The following CHRM3 variants were observed in gnomAD, a reference collection of about 807,000 sequenced individuals.
CHRM3 encodes cholinergic receptor muscarinic 3.
CHRM3 carries 11 observed loss-of-function variants against 41.8 expected under a neutral mutation model. The ratio of observed to expected loss-of-function variants is 0.26; its 90% CI spans 0.17 to 0.44. The LOEUF (loss-of-function observed/expected upper bound fraction) is 0.44. Among genes scored for constraint, CHRM3 ranks in the 20% least tolerant of loss-of-function variants. CHRM3 has a pLI of 1.00. For synonymous variants in CHRM3, 297 were observed against 301.4 expected, an observed-to-expected ratio of 0.99 and a Z score of 0.15; for missense variants, 571 against 745.4, an observed-to-expected ratio of 0.77 and a Z score of 2.72.
At chr1:239,563,341 G>A (rs1256677769) in intron 3 of CHRM3, among the ~76,000 whole-genome samples, 1 of 152,000 alleles carries the variant, frequency 6.6e-6, no homozygotes, top group African/African-American at 2.4e-5. Flanking sequence ...CTCAGAGTGG[G>A]CATAAAATTG....
At chr1:239,486,825 ACTG>A (rs1667212222) in intron 1 of CHRM3, among the ~76,000 whole-genome samples, 6 of 152,110 alleles carry the variant, frequency 3.9e-5, no homozygotes, top group Admixed American at 2.6e-4. Context: ...ACTGCCCTCT[ACTG>A]CTGCGTACGG....
At chr1:239,587,342 T>G (rs1168292574) in intron 3 of CHRM3, among the ~76,000 whole-genome samples, 1 of 152,220 alleles carries the variant, frequency 6.6e-6, no homozygotes, top group Non-Finnish European at 1.5e-5. Flanking sequence ...CAGGCCAGCC[T>G]CTTACCAGTC....
At chr1:239,781,497 G>T (rs1166566764) in intron 5 of CHRM3, among the ~76,000 whole-genome samples, 1 of 152,162 alleles carries the variant, frequency 6.6e-6, no homozygotes, top group Non-Finnish European at 1.5e-5. Flanking sequence ...AAGAGGGTTT[G>T]TTCTTCTATT....
At chr1:239,697,482 C>T (rs1023547220) in intron 5 of CHRM3, among the ~76,000 whole-genome samples, 1 of 152,018 alleles carries the variant, frequency 6.6e-6, no homozygotes, top group African/African-American at 2.4e-5. Flanking sequence ...AATAAAATCA[C>T]CATTTAGCAT....
intron 5 of CHRM3, among the ~76,000 whole-genome samples, chr1:239,762,171 A>ATCTAGC (rs1314099605): frequency 1.3e-5 from 2 of 152,168 alleles, no homozygotes; most frequent in Non-Finnish European, 2.9e-5. Context: ...CAGAGCAGAA[A>ATCTAGC]TCTAGCTTAC....
chr1:239,764,265 G>T (rs191235811), intron 5 of CHRM3, among the ~76,000 whole-genome samples: 1 of 152,056 alleles, frequency 6.6e-6, no homozygotes. Flanking sequence ...TGACAAACAG[G>T]GTCCTTGGAA....
chr1:239,818,092 G>C (rs1271993740), intron 5 of CHRM3, among the ~76,000 whole-genome samples: 7 of 152,166 alleles, frequency 4.6e-5, no homozygotes, highest in African/African-American at 1.7e-4. Context: ...AGTTCTGGAA[G>C]CTGGAAATCC....
At chr1:239,760,715 C>G (rs1488555873) in intron 5 of CHRM3, among the ~76,000 whole-genome samples, 2 of 152,166 alleles carry the variant, frequency 1.3e-5, no homozygotes, top group South Asian at 4.1e-4. Context: ...TGCATTGTCT[C>G]TGACCAGAAT....
chr1:239,569,424 A>T (rs560651655), intron 3 of CHRM3, among the ~76,000 whole-genome samples: 1 of 152,306 alleles, frequency 6.6e-6, no homozygotes, highest in Admixed American at 6.5e-5. Flanking sequence ...AAGAAAACCA[A>T]TCATAAAAAC....
intron 4 of CHRM3, among the ~76,000 whole-genome samples, chr1:239,667,925 TA>T (rs1261526172): frequency 6.6e-6 from 1 of 152,146 alleles, no homozygotes; most frequent in Non-Finnish European, 1.5e-5. Context: ...TCCTACAACT[TA>T]AAAGCAATAT....
intron 5 of CHRM3, among the ~76,000 whole-genome samples, chr1:239,811,761 A>G (rs1671135360): frequency 6.6e-6 from 1 of 152,160 alleles, no homozygotes; most frequent in Non-Finnish European, 1.5e-5. Flanking sequence ...ACCTAATGTT[A>G]AAAGTTTCTC....
intron 4 of CHRM3, among the ~76,000 whole-genome samples, chr1:239,652,785 A>G (rs1207656270): frequency 6.6e-6 from 1 of 151,694 alleles, no homozygotes; most frequent in Admixed American, 6.6e-5. Flanking sequence ...TTCTTCCTTC[A>G]TAGTGTGGGG....
At chr1:239,690,046 C>CAGAG (rs772849076) in intron 5 of CHRM3, among the ~76,000 whole-genome samples, 15 of 93,552 alleles carry the variant, frequency 1.6e-4, no homozygotes, top group African/African-American at 6.9e-4. Flanking sequence ...GAGAGAGACA[C>CAGAG]AGAGAGAGAG....
At chr1:239,842,318 C>G (rs1673878847) in intron 6 of CHRM3, among the ~76,000 whole-genome samples, 1 of 151,684 alleles carries the variant, frequency 6.6e-6, no homozygotes, top group Non-Finnish European at 1.5e-5. Context: ...ACCTCTCGGA[C>G]TCCGCCTCCC....
chr1:239,699,152 T>C (rs1410667261), intron 5 of CHRM3, among the ~76,000 whole-genome samples: 2 of 152,182 alleles, frequency 1.3e-5, no homozygotes, highest in African/African-American at 4.8e-5. Flanking sequence ...TGTATTCTTA[T>C]TTCATGTATT....
intron 5 of CHRM3, among the ~76,000 whole-genome samples, chr1:239,799,683 A>G (rs1434222217): frequency 3.9e-5 from 6 of 152,168 alleles, no homozygotes; most frequent in South Asian, 2.1e-4. Flanking sequence ...ACAATTTTTC[A>G]TAACAGTGCA....
At chr1:239,548,786 G>A (rs1291044383) in intron 3 of CHRM3, among the ~76,000 whole-genome samples, 1 of 152,176 alleles carries the variant, frequency 6.6e-6, no homozygotes, top group Non-Finnish European at 1.5e-5. Context: ...CATACTTCTA[G>A]CCCTTCAATG....
chr1:239,825,504 T>C (rs534232780), intron 5 of CHRM3, among the ~76,000 whole-genome samples: 1 of 152,292 alleles, frequency 6.6e-6, no homozygotes, highest in African/African-American at 2.4e-5. Flanking sequence ...TCTCGTGGTG[T>C]ATGTATGTTA....
chr1:239,672,854 A>G (rs1674516910), intron 4 of CHRM3, among the ~76,000 whole-genome samples: 1 of 152,122 alleles, frequency 6.6e-6, no homozygotes, highest in Admixed American at 6.5e-5. Context: ...TTAACCCAGG[A>G]GGTGGGTAGT....
Sources: gnomAD v4.1 joint callset for allele counts (sites outside exome capture counted in the v4.1 genomes callset) on GRCh38, gnomAD v4.1.1 for gene constraint, MANE v1.5 for transcripts, NCBI Gene and HGNC (gene_info 2026-07-23, HGNC 2026-07-21) for gene names.